PLCL1: variants seen among roughly 807,000 people sequenced by gnomAD.
PLCL1 encodes the protein inactive phospholipase C-like protein 1.
A neutral mutation model predicts 84.4 loss-of-function variants in PLCL1; 41 were observed. The observed-to-expected ratio is 0.49, with a 90% CI of 0.38 to 0.63. The LOEUF (loss-of-function observed/expected upper bound fraction) is 0.63. Among genes scored for constraint, PLCL1 ranks in the 30% least tolerant of loss-of-function variants. The pLI is 0.00. For missense variants in PLCL1, 1,206 were observed against 1,367.8 expected (o/e 0.88, Z 1.87); for synonymous variants, 490 against 488.3 (o/e 1.00, Z -0.05).
intron 1 of PLCL1, among the ~76,000 whole-genome samples, chr2:198,032,826 A>T (rs1211550619): frequency 2.6e-5 from 4 of 152,200 alleles, no homozygotes; most frequent in Non-Finnish European, 5.9e-5. Context: ...AATTATTATT[A>T]TCTGGAAAAC....
chr2:197,958,204 T>G (rs1327995706), intron 1 of PLCL1, among the ~76,000 whole-genome samples: 1 of 151,994 alleles, frequency 6.6e-6, no homozygotes, highest in African/African-American at 2.4e-5. Flanking sequence ...AACTTAAATA[T>G]TCTATGAATC....
intron 1 of PLCL1, among the ~76,000 whole-genome samples, chr2:197,830,502 C>T (rs1691034432): frequency 6.6e-6 from 1 of 151,916 alleles, no homozygotes; most frequent in Non-Finnish European, 1.5e-5. Context: ...AACAAAGCCT[C>T]CAAGAAATAT....
chr2:198,063,031 TGGGGA>T (rs1366660900), intron 1 of PLCL1, among the ~76,000 whole-genome samples: 1 of 152,152 alleles, frequency 6.6e-6, no homozygotes, highest in African/African-American at 2.4e-5. Flanking sequence ...GATCACACTG[TGGGGA>T]CCACTGATGT....
intron 5 of PLCL1, among the ~76,000 whole-genome samples, chr2:198,132,703 A>G (rs1694148489): frequency 6.6e-6 from 1 of 152,212 alleles, no homozygotes; most frequent in African/African-American, 2.4e-5. Context: ...TGATTTAAAA[A>G]TAAGAATGTA....
intron 1 of PLCL1, among the ~76,000 whole-genome samples, chr2:197,834,901 A>G (rs551773845): frequency 6.6e-6 from 1 of 152,242 alleles, no homozygotes; most frequent in South Asian, 2.1e-4. Flanking sequence ...AACTAACCCA[A>G]ATGTCCATCA....
At chr2:198,006,396 A>G (rs972127811) in intron 1 of PLCL1, among the ~76,000 whole-genome samples, 3 of 152,180 alleles carry the variant, frequency 2.0e-5, no homozygotes, top group Non-Finnish European at 2.9e-5. Flanking sequence ...CAAGGCATCA[A>G]GATAAATTTG....
At chr2:197,997,079 G>A (rs1690484756) in intron 1 of PLCL1, among the ~76,000 whole-genome samples, 2 of 152,178 alleles carry the variant, frequency 1.3e-5, no homozygotes, top group Admixed American at 1.3e-4. Context: ...GTTTTCCTGT[G>A]CTCACGGAAT....
chr2:198,040,362 A>G (rs1018663247), intron 1 of PLCL1, among the ~76,000 whole-genome samples: 1 of 152,142 alleles, frequency 6.6e-6, no homozygotes, highest in Non-Finnish European at 1.5e-5. Flanking sequence ...CAGCCATCCT[A>G]GGACTATCAT....
Position 197,805,318 on chromosome 2 carries a change from C to A in PLCL1, c.219C>A (p.Pro73=). ...TCCTGGAGGCAGCACGGGCGACCCC[C>A]CGGCGCAGCAGCATCATCAAGGTAA... ...AGLLEAARAT[P]RRSSIIKDPS... Residue 73 remains proline (P), a synonymous_variant, in exon 1 of 6, where the codon CCC becomes CCA. Transcript: ENST00000428675. The surrounding 1 kb of genome is among the most constrained non-coding windows in gnomAD (Gnocchi z 4.0). 1 of 1,310,204 alleles carries A rather than the reference C, an allele frequency of 7.6e-7. No individual in the cohort carries two copies. The highest frequency in any genetic ancestry group is 9.7e-7 in the Non-Finnish European group (1 of 1,034,096). The allele number at this position is 1,310,204 out of a possible 1,614,324, so 81.2% of individuals were successfully genotyped here.
intron 5 of PLCL1, among the ~76,000 whole-genome samples, chr2:198,127,974 C>A (rs1350426785): frequency 6.6e-6 from 1 of 152,108 alleles, no homozygotes; most frequent in Non-Finnish European, 1.5e-5. Context: ...TTTCTCACTT[C>A]ACACAAATAA....
At chr2:197,856,459 G>T (rs1250085746) in intron 1 of PLCL1, among the ~76,000 whole-genome samples, 2 of 151,928 alleles carry the variant, frequency 1.3e-5, no homozygotes, top group South Asian at 2.1e-4. Flanking sequence ...TTACCAAAAG[G>T]TACCTATGCA....
intron 1 of PLCL1, among the ~76,000 whole-genome samples, chr2:197,936,108 G>T (rs1689046427): frequency 1.3e-5 from 2 of 150,412 alleles, no homozygotes; most frequent in African/African-American, 2.4e-5. Context: ...ATTCTATTGT[G>T]TGTATGTATA....
intron 1 of PLCL1, among the ~76,000 whole-genome samples, chr2:197,994,142 ATTC>A (rs749683257): frequency 2.0e-5 from 3 of 152,144 alleles, no homozygotes. Flanking sequence ...TCTTCCCCAA[ATTC>A]TTCTTGCGGG....
Position 197,836,446 on chromosome 2 carries a change from CAAAAAAAA to C in PLCL1, c.240+31131_240+31138del, listed in dbSNP as rs35510400. Among the ~76,000 whole-genome samples, 294 of 34,506 alleles carry C rather than the reference CAAAAAAAA, an allele frequency of 8.5e-3. 1 individual carries two copies. Among genetic ancestry groups the C allele is most frequent in the African/African-American group, 0.029 (283 of 9,720 alleles). 22.6% of individuals were successfully genotyped at this position (34,506 alleles called of 152,430 possible). ...TGGGCGACAGAGCGAGACTCCGTCT[CAAAAAAAA>C]AAAAAAAAAAAAAAAAAAAAAAATC... On this transcript the variant is annotated intron_variant, in intron 1 of 5. Coordinates refer to ENST00000428675, the MANE Select transcript of PLCL1 (RefSeq NM_006226.4).
In PLCL1 at chr2:197,804,911, C is replaced by G; in HGVS notation, c.-189C>G. The G allele has an allele frequency of 1.8e-6, 1 of 571,256 alleles. No homozygotes were observed. Among genetic ancestry groups the G allele is most frequent in the Non-Finnish European group, 2.9e-6 (1 of 347,274 alleles). 35.4% of individuals were successfully genotyped at this position (571,256 alleles called of 1,614,324 possible). Reference sequence around the variant, plus strand: ...CCTAGACCGAAGCCCGAGGACGTCTCTGCCCGAGCGATGTCCCCTCTCCAG... The same window carrying G: ...CCTAGACCGAAGCCCGAGGACGTCTGTGCCCGAGCGATGTCCCCTCTCCAG... On this transcript the variant is annotated 5_prime_UTR_variant, in exon 1 of 6. Transcript: ENST00000428675.
rs1172489103 is a variant in PLCL1, at chr2:197,808,605, T to A, written c.240+3266T>A. Among the ~76,000 whole-genome samples the A allele has an allele frequency of 2.0e-4, 31 of 152,232 alleles. 2 individuals carry two copies. Among genetic ancestry groups the A allele is most frequent in the Admixed American group, 2.0e-3 (31 of 15,286 alleles). On this transcript the variant is annotated intron_variant, in intron 1 of 5. Transcript: ENST00000428675. Reference sequence around the variant, plus strand: ...TTCACAGTTTTGCCAAGAGTTTTTTTAAATTTGGCATTGAAATGTACACAA... The same window carrying A: ...TTCACAGTTTTGCCAAGAGTTTTTTAAAATTTGGCATTGAAATGTACACAA...
intron 1 of PLCL1, among the ~76,000 whole-genome samples, chr2:198,066,888 C>G (rs764150452): frequency 6.2e-4 from 94 of 152,210 alleles, no homozygotes; most frequent in South Asian, 1.0e-3. Flanking sequence ...AAATTAGTTC[C>G]CCTCTACCTA....
At chr2:197,898,742 C>CTTTTT (rs1389419976) in intron 1 of PLCL1, among the ~76,000 whole-genome samples, 1 of 40,574 alleles carries the variant, frequency 2.5e-5, no homozygotes, top group Non-Finnish European at 5.2e-5. Flanking sequence ...TTTCTTTAGT[C>CTTTTT]CTTGACTCAA....
At chr2:198,012,340 G>A (rs942236119) in intron 1 of PLCL1, among the ~76,000 whole-genome samples, 2 of 152,126 alleles carry the variant, frequency 1.3e-5, no homozygotes, top group Non-Finnish European at 2.9e-5. Context: ...CTTATCTCAA[G>A]ATGCTGCACT....
Sources: gnomAD v4.1 joint callset for allele counts (sites outside exome capture counted in the v4.1 genomes callset) on GRCh38, gnomAD v4.1.1 for gene constraint, Gnocchi (gnomAD v3.1) non-coding constraint, MANE v1.5 for transcripts, NCBI Gene and HGNC (gene_info 2026-07-23, HGNC 2026-07-21) for gene names.